EPHB2: variants seen among roughly 807,000 people sequenced by gnomAD.
The protein encoded by EPHB2 is ephrin type-B receptor 2.
In EPHB2, 18 loss-of-function variants were observed where a neutral mutation model predicts 96.4. That is an observed-to-expected ratio of 0.19 (90% CI 0.13 to 0.28). EPHB2 has a LOEUF of 0.28. Among genes scored for constraint, EPHB2 ranks in the 10% least tolerant of loss-of-function variants. EPHB2 has a pLI of 1.00. For missense variants in EPHB2, 989 were observed against 1,355.4 expected (o/e 0.73, Z 4.25); for synonymous variants, 506 against 534.1 (o/e 0.95, Z 0.72).
intron 5 of EPHB2, among the ~76,000 whole-genome samples, chr1:22,866,418 G>T (rs1638478490): frequency 6.6e-6 from 1 of 152,064 alleles, no homozygotes; most frequent in Non-Finnish European, 1.5e-5. Flanking sequence ...TTGACTTGCA[G>T]TTTGAAGGAC....
At chr1:22,847,109 A>G (rs1230016612) in intron 3 of EPHB2, among the ~76,000 whole-genome samples, 1 of 152,200 alleles carries the variant, frequency 6.6e-6, no homozygotes, top group Non-Finnish European at 1.5e-5. Flanking sequence ...CCTCTTCTAG[A>G]TGTGGGAATA....
intron 5 of EPHB2, among the ~76,000 whole-genome samples, chr1:22,877,202 G>A (rs992157835): frequency 1.3e-5 from 2 of 152,238 alleles, no homozygotes; most frequent in Non-Finnish European, 2.9e-5. Context: ...GGTGAGCCTG[G>A]TTTGAATCCC....
chr1:22,724,494 T>C (rs759208007), intron 1 of EPHB2, among the ~76,000 whole-genome samples: 48 of 152,210 alleles, frequency 3.2e-4, no homozygotes, highest in Non-Finnish European at 6.2e-4. Context: ...GCTTCTGTCC[T>C]CACAATGGCC....
At chr1:22,782,797 A>G (rs578010774) in intron 2 of EPHB2, among the ~76,000 whole-genome samples, 1 of 152,190 alleles carries the variant, frequency 6.6e-6, no homozygotes, top group African/African-American at 2.4e-5. Flanking sequence ...AATTAATGCA[A>G]TGTAGGGAGC....
chr1:22,717,740 G>A (rs983276084), intron 1 of EPHB2, among the ~76,000 whole-genome samples: 9 of 152,186 alleles, frequency 5.9e-5, no homozygotes, highest in African/African-American at 2.2e-4. Context: ...TGGCCAGAAT[G>A]ACTTGTCCCT....
intron 1 of EPHB2, among the ~76,000 whole-genome samples, chr1:22,754,625 G>A (rs1186992970): frequency 6.6e-6 from 1 of 151,130 alleles, no homozygotes; most frequent in African/African-American, 2.4e-5. Context: ...CCCAGGCCTG[G>A]TACGGGGCCA....
intron 3 of EPHB2, among the ~76,000 whole-genome samples, chr1:22,859,298 G>T (rs866518470): frequency 3.2e-4 from 34 of 104,978 alleles, no homozygotes; most frequent in East Asian, 2.4e-4. Flanking sequence ...TGGGCCTGGT[G>T]GGGGGGGGGG....
At chr1:22,805,113 C>T (rs1268304976) in intron 3 of EPHB2, among the ~76,000 whole-genome samples, 2 of 151,726 alleles carry the variant, frequency 1.3e-5, no homozygotes, top group Admixed American at 6.6e-5. Context: ...TTGCCCCCAC[C>T]ACCTCCCAGG....
rs1640284904 is a variant in EPHB2 at position 22,916,887 on chromosome 1, C to G, written c.*3317C>G. 1 of 152,270 alleles carries G rather than the reference C, an allele frequency of 6.6e-6. No homozygotes were observed. Among genetic ancestry groups the G allele is most frequent in the Non-Finnish European group, 1.5e-5 (1 of 68,122 alleles). 9.4% of individuals were successfully genotyped at this position (152,270 alleles called of 1,614,324 possible). ...GAGAGCCATGCTACCCACCCGCACCCCTACTGCTACGAAGCCCCCAGAATG... is the reference window on the plus strand; with the variant it reads ...GAGAGCCATGCTACCCACCCGCACCGCTACTGCTACGAAGCCCCCAGAATG... On this transcript the variant is annotated 3_prime_UTR_variant, in exon 16 of 16. Transcript: ENST00000374630. The surrounding 1 kb of genome is among the most constrained non-coding windows in gnomAD (Gnocchi z 4.2).
chr1:22,863,228 C>G (rs760756497), intron 4 of EPHB2, 36 bp downstream of exon 4: 1 of 1,613,572 alleles, frequency 6.2e-7, no homozygotes. Flanking sequence ...GATGGCTGGC[C>G]GAGTCCCAGG....
chr1:22,797,826 C>T (rs929459430), intron 3 of EPHB2, among the ~76,000 whole-genome samples: 3 of 152,156 alleles, frequency 2.0e-5, no homozygotes, highest in African/African-American at 7.2e-5. Context: ...CCTTCCCTCC[C>T]GCTCTCTAGG....
chr1:22,819,935 C>A (rs1645129877), intron 3 of EPHB2, among the ~76,000 whole-genome samples: 1 of 151,954 alleles, frequency 6.6e-6, no homozygotes, highest in African/African-American at 2.4e-5. Flanking sequence ...GAGCCGAGAC[C>A]AGCCTGGTCA....
intron 3 of EPHB2, among the ~76,000 whole-genome samples, chr1:22,814,577 G>A (rs1645046352): frequency 6.6e-6 from 1 of 152,160 alleles, no homozygotes; most frequent in African/African-American, 2.4e-5. Context: ...CTGCATCATG[G>A]TAGTCTCCTC....
chr1:22,764,470 G>C (rs1218191172), intron 1 of EPHB2, among the ~76,000 whole-genome samples: 1 of 152,170 alleles, frequency 6.6e-6, no homozygotes, highest in Admixed American at 6.5e-5. Context: ...ACTCTGCCGG[G>C]CTTGGTGGCT....
chr1:22,890,298 C>T (rs995830463), intron 6 of EPHB2, among the ~76,000 whole-genome samples: 1 of 152,180 alleles, frequency 6.6e-6, no homozygotes, highest in African/African-American at 2.4e-5. Flanking sequence ...GGAAGAGGTG[C>T]ATCTGGCTGG....
intron 1 of EPHB2, among the ~76,000 whole-genome samples, chr1:22,766,789 G>A (rs1644313610): frequency 6.6e-6 from 1 of 152,216 alleles, no homozygotes; most frequent in Non-Finnish European, 1.5e-5. Context: ...AAATTTCTGA[G>A]CCTGCTCCCA....
intron 1 of EPHB2, among the ~76,000 whole-genome samples, chr1:22,759,515 C>G (rs12066575): frequency 2.0e-5 from 3 of 152,148 alleles, no homozygotes; most frequent in Non-Finnish European, 4.4e-5. Flanking sequence ...CAGTACAACC[C>G]TGCAGTAGGC....
rs114497691 is a variant in EPHB2, at chr1:22,775,254, C to T, written c.62-6167C>T. The T allele has an allele frequency of 4.9e-3, 3,839 of 779,782 alleles. 120 individuals carry two copies. The African/African-American group carries it at 0.057, about 12-fold the overall frequency. 48.3% of individuals were successfully genotyped at this position (779,782 alleles called of 1,614,324 possible). On this transcript the variant is annotated intron_variant, in intron 1 of 15. Coordinates refer to ENST00000374630, the MANE Select transcript of EPHB2 (RefSeq NM_017449.5). ...GTGTGCACTTATGCAGGTTGGTTCT[C>T]CTGTCTGGCCTCAGTTTCCTCGTCT... is the stretch of plus-strand genomic sequence containing the variant.
rs894418934 is a variant in EPHB2 at position 22,911,117 on chromosome 1, G to A, written c.2696+542G>A. ...ATCGTGCCACTGCACTCCAACCTGAGTGGCAAGAGTGAAACTCCATCTAAA... is the reference window on the plus strand; with the variant it reads ...ATCGTGCCACTGCACTCCAACCTGAATGGCAAGAGTGAAACTCCATCTAAA... On this transcript the variant is annotated intron_variant, in intron 14 of 15. Coordinates refer to ENST00000374630, the MANE Select transcript of EPHB2 (RefSeq NM_017449.5). Among the ~76,000 whole-genome samples, 22 of 149,420 alleles carry A rather than the reference G, an allele frequency of 1.5e-4. No individual in the cohort carries two copies. The Admixed American group carries it at 1.5e-3, about 10-fold the overall frequency.
Sources: allele counts gnomAD v4.1 joint callset (sites outside exome capture counted in the v4.1 genomes callset), GRCh38; gene constraint gnomAD v4.1.1; non-coding constraint Gnocchi (gnomAD v3.1); transcripts MANE v1.5; gene names NCBI Gene and HGNC (gene_info 2026-07-23, HGNC 2026-07-21).